Variants in CC2D2A observed in about 807,000 individuals in gnomAD.
The protein encoded by CC2D2A is coiled-coil and C2 domain-containing protein 2A.
A neutral mutation model predicts 212.9 loss-of-function variants in CC2D2A; 155 were observed. The observed-to-expected ratio is 0.73, with a 90% CI of 0.64 to 0.83. The LOEUF (loss-of-function observed/expected upper bound fraction) is 0.83. Ranked by LOEUF, CC2D2A falls within the 40% of genes least tolerant of loss-of-function variation. The pLI, the probability that CC2D2A is intolerant of heterozygous loss-of-function variation, is 0.00. For synonymous variants in CC2D2A, 667 were observed against 686.5 expected, an observed-to-expected ratio of 0.97 and a Z score of 0.44; for missense variants, 1,856 against 1,956.2, an observed-to-expected ratio of 0.95 and a Z score of 0.97.
intron 3 of CC2D2A, among the ~76,000 whole-genome samples, chr4:15,480,262 C>T (rs1369386590): frequency 6.6e-6 from 1 of 152,118 alleles, no homozygotes; most frequent in Non-Finnish European, 1.5e-5. Context: ...TCCTTGTTTT[C>T]CTTCACTGAG....
intron 24 of CC2D2A, among the ~76,000 whole-genome samples, chr4:15,564,473 T>C (rs1719787955): frequency 6.6e-6 from 1 of 152,170 alleles, no homozygotes; most frequent in Admixed American, 6.5e-5. Context: ...CATATAAGAT[T>C]TCATTTAACT....
At chr4:15,532,899 G>C (rs1311067126) in intron 13 of CC2D2A, among the ~76,000 whole-genome samples, 1 of 152,174 alleles carries the variant, frequency 6.6e-6, no homozygotes, top group African/African-American at 2.4e-5. Flanking sequence ...CATGAGAACT[G>C]CCTTTGTTTT....
At chr4:15,508,868 C>T (rs1194909860) in intron 6 of CC2D2A, among the ~76,000 whole-genome samples, 1 of 152,144 alleles carries the variant, frequency 6.6e-6, no homozygotes, top group Non-Finnish European at 1.5e-5. Context: ...TAAGTATGTT[C>T]CTTCTTGCCA....
intron 9 of CC2D2A, 53 bp from the exon 10 acceptor site, chr4:15,515,815 G>T: frequency 6.8e-7 from 1 of 1,479,508 alleles, no homozygotes; most frequent in South Asian, 1.3e-5. Context: ...ACTGCAGTTT[G>T]AGATATTTAG....
At chr4:15,512,741 C>A (rs1716638781) in intron 8 of CC2D2A, among the ~76,000 whole-genome samples, 1 of 152,130 alleles carries the variant, frequency 6.6e-6, no homozygotes, top group Non-Finnish European at 1.5e-5. Flanking sequence ...CACCTAAGGT[C>A]AGGAGTTCAC....
At chr4:15,558,466 A>G (rs1294731473) in intron 21 of CC2D2A, among the ~76,000 whole-genome samples, 2 of 151,970 alleles carry the variant, frequency 1.3e-5, no homozygotes, top group Non-Finnish European at 2.9e-5. Flanking sequence ...TGCTACCAGG[A>G]CCCTTCTCCA....
intron 8 of CC2D2A, among the ~76,000 whole-genome samples, chr4:15,512,386 A>G (rs1230666118): frequency 6.6e-6 from 1 of 152,242 alleles, no homozygotes; most frequent in Non-Finnish European, 1.5e-5. Context: ...AAGCATGGAA[A>G]TTCTGACACA....
chr4:15,587,219 C>T (rs948350558), intron 31 of CC2D2A, among the ~76,000 whole-genome samples: 2 of 152,210 alleles, frequency 1.3e-5, no homozygotes, highest in Admixed American at 1.3e-4. Flanking sequence ...GGTTTGCACT[C>T]CTATGAGAAT....
At chr4:15,487,576 C>CT (rs1374022842) in intron 4 of CC2D2A, among the ~76,000 whole-genome samples, 4 of 151,972 alleles carry the variant, frequency 2.6e-5, no homozygotes, top group South Asian at 4.2e-4. Context: ...ATAATTGGCT[C>CT]TTTTTTTCAA....
rs376667009 is a variant in CC2D2A, at chr4:15,599,662, G to T, written c.4630G>T (p.Asp1544Tyr). The change falls in exon 36 of 37, where the codon GAT (aspartate) becomes TAT (tyrosine). Residue 1544 changes from aspartate to tyrosine, a missense_variant. Transcript: ENST00000424120. ...AAAAAGTCAAGGAGAAGATGTAGAAGATGACCACAGAGCAGAACTGCTAAA... is the reference window on the plus strand; with the variant it reads ...AAAAAGTCAAGGAGAAGATGTAGAATATGACCACAGAGCAGAACTGCTAAA... Reference protein sequence around the residue: ...LEKSQGEDVEDDHRAELLKQL... With the variant: ...LEKSQGEDVEYDHRAELLKQL... 6.2e-6 allele frequency: 10 copies of T among 1,613,550 alleles called. No homozygotes were observed. Among genetic ancestry groups the T allele is most frequent in the Non-Finnish European group, 8.5e-6 (10 of 1,179,642 alleles).
In CC2D2A at chr4:15,542,612, A is replaced by G. The variant is rs564227583; in HGVS notation, c.2181+1598A>G. Among the ~76,000 whole-genome samples, 8 of 152,340 alleles carry G rather than the reference A, an allele frequency of 5.3e-5. No individual in the cohort carries two copies. The South Asian group carries it at 1.7e-3, about 32-fold the overall frequency. On this transcript the variant is annotated intron_variant, in intron 17 of 36. Transcript: ENST00000424120. ...AGTCTGCAGGTACCATCATGGCTGT[A>G]TAATTAATAAAATATTTACATACTC... is the stretch of plus-strand genomic sequence containing the variant.
chr4:15,563,985 A>G (rs1381168556), intron 24 of CC2D2A: 1 of 168,392 alleles, frequency 5.9e-6, no homozygotes. Context: ...ACAGGGTCAG[A>G]AGCACCAGCC....
intron 4 of CC2D2A, among the ~76,000 whole-genome samples, chr4:15,485,573 G>A (rs1416622032): frequency 2.0e-5 from 3 of 152,132 alleles, no homozygotes; most frequent in Non-Finnish European, 1.5e-5. Flanking sequence ...CATAACAGCT[G>A]TACAAATTTA....
At chr4:15,529,641 T>G (rs1717711360) in intron 13 of CC2D2A, among the ~76,000 whole-genome samples, 1 of 152,018 alleles carries the variant, frequency 6.6e-6, no homozygotes, top group African/African-American at 2.4e-5. Flanking sequence ...TTATGTAGAT[T>G]TATTGTAGTT....
chr4:15,523,525 G>A (rs925972723), intron 11 of CC2D2A, among the ~76,000 whole-genome samples: 2 of 152,182 alleles, frequency 1.3e-5, no homozygotes, highest in Admixed American at 1.3e-4. Flanking sequence ...AATCTGCTGC[G>A]TTCTAAGCAC....
intron 24 of CC2D2A, among the ~76,000 whole-genome samples, chr4:15,566,657 G>A (rs1230048899): frequency 6.6e-6 from 1 of 152,066 alleles, no homozygotes; most frequent in African/African-American, 2.4e-5. Context: ...CAGCCACCAG[G>A]GCCATACATC....
intron 30 of CC2D2A, among the ~76,000 whole-genome samples, chr4:15,581,360 G>T (rs1168781560): frequency 6.6e-6 from 1 of 152,208 alleles, no homozygotes; most frequent in Non-Finnish European, 1.5e-5. Flanking sequence ...AGTCATGGCT[G>T]AAATGAAAGT....
At chr4:15,587,090 A>G (rs1720885651) in intron 31 of CC2D2A, among the ~76,000 whole-genome samples, 1 of 152,250 alleles carries the variant, frequency 6.6e-6, no homozygotes, top group Admixed American at 6.5e-5. Flanking sequence ...TCCATGGATC[A>G]GTCAGAGGTG....
chr4:15,473,378 G>C (rs1443461291), intron 1 of CC2D2A: 8 of 152,150 alleles, frequency 5.3e-5, no homozygotes, highest in African/African-American at 1.7e-4. Flanking sequence ...AGAGCTCTCT[G>C]ATAATAAAAT....
Sources: gnomAD v4.1 joint callset for allele counts (sites outside exome capture counted in the v4.1 genomes callset) on GRCh38, gnomAD v4.1.1 for gene constraint, MANE v1.5 for transcripts, NCBI Gene and HGNC (gene_info 2026-07-23, HGNC 2026-07-21) for gene names.